The following SMYD3 variants were observed in gnomAD, a reference collection of about 807,000 sequenced individuals.
SMYD3 encodes the protein SET and MYND domain containing 3, also known as histone-lysine N-methyltransferase SMYD3.
In SMYD3, 36 loss-of-function variants were observed where a neutral mutation model predicts 57.7. That is an observed-to-expected ratio of 0.62 (90% confidence interval 0.48 to 0.82). The LOEUF is 0.82. SMYD3 is among the 40% of genes least tolerant of loss of function. SMYD3 has a pLI of 0.00. For synonymous variants in SMYD3, 211 were observed against 195.0 expected (o/e 1.08, Z -0.68); for missense variants, 515 against 538.8 (o/e 0.96, Z 0.44).
chr1:246,363,285 C>T lies in SMYD3; in HGVS notation c.165-8191G>A, dbSNP rs867012296. On this transcript the variant is annotated intron_variant, in intron 1 of 11. Transcript: ENST00000490107. Reference sequence around the variant, plus strand: ...CCCCCGCCAGGCCAGCCGCCCCGTCCGGGAGGGAGGTGGGGGGGTCAGCCC... The same window carrying T: ...CCCCCGCCAGGCCAGCCGCCCCGTCTGGGAGGGAGGTGGGGGGGTCAGCCC... 8.9e-4 allele frequency among the ~76,000 whole-genome samples: 133 copies of T among 149,570 alleles called. 1 individual carries two copies. The highest frequency in any genetic ancestry group is 2.1e-3 in the Admixed American group (31 of 15,054).
intron 5 of SMYD3, among the ~76,000 whole-genome samples, chr1:245,974,025 A>T (rs2058364083): frequency 6.6e-6 from 1 of 152,110 alleles, no homozygotes. Context: ...AAACAGTTTC[A>T]ATCAAGTCAC....
chr1:246,258,004 T>A (rs547924462), intron 5 of SMYD3, among the ~76,000 whole-genome samples: 1 of 152,152 alleles, frequency 6.6e-6, no homozygotes, highest in Admixed American at 6.6e-5. Flanking sequence ...CATAAGTCAA[T>A]TGAACTTTTC....
At chr1:246,473,991 AG>A (rs1489266194) in intron 1 of SMYD3, among the ~76,000 whole-genome samples, 1 of 152,248 alleles carries the variant, frequency 6.6e-6, no homozygotes, top group African/African-American at 2.4e-5. Context: ...AAAATCTGCT[AG>A]GCCATTTAAA....
intron 10 of SMYD3, among the ~76,000 whole-genome samples, chr1:245,806,916 C>CAAAAAAAAAAAAAAAAAAAAAA (rs112012738): frequency 2.4e-5 from 1 of 41,318 alleles, no homozygotes; most frequent in African/African-American, 9.1e-5. Flanking sequence ...GACTCCGTCT[C>CAAAAAAAAAAAAAAAAAAAAAA]AAAAAAAAAA....
intron 5 of SMYD3, among the ~76,000 whole-genome samples, chr1:246,257,775 T>C (rs941522991): frequency 5.9e-5 from 9 of 152,216 alleles, no homozygotes; most frequent in African/African-American, 2.2e-4. Context: ...TAGAACTTGA[T>C]ATGGTTTGGA....
At position 246,226,342 on chromosome 1, in the gene SMYD3, A is replaced by G. The variant is rs201817141; in HGVS notation, c.531+100859T>C. ...TAAGCACACTTTGCATGAGTTAAAT[A>G]TCATTCTTTTAAATTTACATAAAGA... On this transcript the variant is annotated intron_variant, in intron 5 of 11. Transcript: ENST00000490107. Among the ~76,000 whole-genome samples, 8 of 152,316 alleles carry G rather than the reference A, an allele frequency of 5.3e-5. No individual in the cohort carries two copies. The East Asian group carries it at 1.5e-3, about 29-fold the overall frequency.
At position 246,294,889 on chromosome 1, in the gene SMYD3, G is replaced by C. The variant is rs111597113; in HGVS notation, c.531+32312C>G. Among the ~76,000 whole-genome samples, 1,272 of 152,236 alleles carry C rather than the reference G, an allele frequency of 8.4e-3. 19 individuals are homozygous for C. Among genetic ancestry groups the C allele is most frequent in the African/African-American group, 0.028 (1,172 of 41,546 alleles). The stretch of plus-strand genomic sequence containing the variant: ...GTTGGGATTACAGGCATGAGCCATC[G>C]TGCCCGACCCAATTAGCCTTTCTGC... On this transcript the variant is annotated intron_variant, in intron 5 of 11. Coordinates refer to ENST00000490107, the MANE Select transcript of SMYD3 (RefSeq NM_001167740.2).
chr1:245,928,124 T>TG lies in SMYD3; in HGVS notation c.600-92dup, dbSNP rs1401614199. The TG allele has an allele frequency of 5.9e-5, 57 of 965,888 alleles. No individual in the cohort carries two copies. The East Asian group carries it at 7.3e-4, about 12-fold the overall frequency. The allele number at this position is 965,888 out of a possible 1,614,324, so 59.8% of individuals were successfully genotyped here. A position where few individuals can be genotyped will look rare whatever the true frequency, so the allele number is the denominator to read the frequency against. On this transcript the variant is annotated intron_variant, in intron 6 of 11. Transcript: ENST00000490107. The stretch of plus-strand genomic sequence containing the variant: ...GCAGTGGGTAAAATACACCTTCCTT[T>TG]GGGGGGCAGCAGCAGGTAGGGTTGA...
chr1:245,949,374 C>T (rs1332451713), intron 5 of SMYD3, among the ~76,000 whole-genome samples: 1 of 152,206 alleles, frequency 6.6e-6, no homozygotes, highest in South Asian at 2.1e-4. Context: ...CAAAATTTCA[C>T]TGCAGCTTCT....
intron 5 of SMYD3, among the ~76,000 whole-genome samples, chr1:246,127,896 AAAAAGAAAAGAAAAG>A (rs60532931): frequency 6.8e-6 from 1 of 147,788 alleles, no homozygotes; most frequent in Non-Finnish European, 1.5e-5. Context: ...ACTCTGTCTC[AAAAAGAAAAGAAAAG>A]AAAAGAAAAG....
At chr1:246,493,439 T>G (rs1425264352) in intron 1 of SMYD3, among the ~76,000 whole-genome samples, 2 of 152,114 alleles carry the variant, frequency 1.3e-5, no homozygotes, top group Non-Finnish European at 2.9e-5. Context: ...AAGGCAAAAC[T>G]GAGACTCAGA....
chr1:246,321,405 T>A (rs544724895), intron 5 of SMYD3, among the ~76,000 whole-genome samples: 2 of 152,246 alleles, frequency 1.3e-5, no homozygotes, highest in Non-Finnish European at 2.9e-5. Context: ...TATTTCCATT[T>A]ACAGATAAGA....
intron 5 of SMYD3, among the ~76,000 whole-genome samples, chr1:246,173,855 G>A (rs1002152793): frequency 2.6e-5 from 4 of 152,084 alleles, no homozygotes; most frequent in African/African-American, 9.7e-5. Context: ...TGCCCTGGCT[G>A]AAGTGCAGTA....
chr1:246,297,970 C>A (rs1394788287), intron 5 of SMYD3, among the ~76,000 whole-genome samples: 1 of 152,058 alleles, frequency 6.6e-6, no homozygotes. Flanking sequence ...TGTAAGAGTG[C>A]TTTTCAGTAT....
chr1:246,181,812 C>T (rs1281137650), intron 5 of SMYD3, among the ~76,000 whole-genome samples: 1 of 152,150 alleles, frequency 6.6e-6, no homozygotes, highest in Admixed American at 6.5e-5. Flanking sequence ...CCTCCAGATA[C>T]ATAGACACAA....
At chr1:245,943,004 T>C (rs1011585778) in intron 5 of SMYD3, among the ~76,000 whole-genome samples, 2 of 152,096 alleles carry the variant, frequency 1.3e-5, no homozygotes, top group Admixed American at 1.3e-4. Context: ...GGGGAATTTA[T>C]GGTACTAAAA....
At chr1:246,172,233 C>T (rs940904825) in intron 5 of SMYD3, among the ~76,000 whole-genome samples, 11 of 151,340 alleles carry the variant, frequency 7.3e-5, no homozygotes, top group Admixed American at 7.2e-4. Flanking sequence ...TAGACTTTAT[C>T]AACACCACAC....
At chr1:246,179,543 T>G (rs1193697073) in intron 5 of SMYD3, among the ~76,000 whole-genome samples, 2 of 152,232 alleles carry the variant, frequency 1.3e-5, no homozygotes, top group Non-Finnish European at 2.9e-5. Flanking sequence ...ATGTTTCTTA[T>G]GAGACAGCTG....
At chr1:246,265,186 A>G (rs541164336) in intron 5 of SMYD3, among the ~76,000 whole-genome samples, 12 of 152,286 alleles carry the variant, frequency 7.9e-5, no homozygotes, top group African/African-American at 2.9e-4. Context: ...ACCAGGCTGG[A>G]GTACCAGGGT....
Sources: allele counts gnomAD v4.1 joint callset (sites outside exome capture counted in the v4.1 genomes callset), GRCh38; gene constraint gnomAD v4.1.1; transcripts MANE v1.5; gene names NCBI Gene and HGNC (gene_info 2026-07-23, HGNC 2026-07-21).